CABP1: variants seen among roughly 807,000 people sequenced by gnomAD.
CABP1 encodes the protein calcium binding protein 1, also known as calcium-binding protein 1.
A neutral mutation model predicts 34.3 loss-of-function variants in CABP1; 17 were observed. That is an observed-to-expected ratio of 0.50 (90% CI 0.34 to 0.74). The LOEUF is 0.74. Among genes scored for constraint, CABP1 ranks in the 30% least tolerant of loss-of-function variants. CABP1 has a pLI of 0.01. For synonymous variants in CABP1, 198 were observed against 229.2 expected (o/e 0.86, Z 1.23); for missense variants, 373 against 511.1 (o/e 0.73, Z 2.61).
chr12:120,640,889 G>A lies in CABP1; in HGVS notation c.204G>A (p.Lys68=). The change falls in exon 1 of 6, where the codon AAG becomes AAA. Residue 68 remains lysine, a synonymous_variant. Coordinates refer to ENST00000316803, the MANE Select transcript of CABP1 (RefSeq NM_001033677.2). The surrounding 1 kb of genome is among the most constrained non-coding windows in gnomAD (Gnocchi z 6.2). ...MSSHIAKSES[K]TSLLKAAAAA... is the part of the protein sequence containing the mutation. ...CGCACATCGCCAAAAGCGAGTCCAA[G>A]ACGTCGCTGCTGAAGGCGGCGGCGG... is the stretch of plus-strand genomic sequence containing the variant. The A allele has an allele frequency of 9.2e-7, 1 of 1,092,082 alleles. No individual in the cohort carries two copies. Among genetic ancestry groups the A allele is most frequent in the Non-Finnish European group, 1.1e-6 (1 of 899,780 alleles). 67.6% of individuals were successfully genotyped at this position (1,092,082 alleles called of 1,614,324 possible). A position where few individuals can be genotyped will look rare whatever the true frequency, so the allele number is the denominator to read the frequency against.
intron 1 of CABP1, among the ~76,000 whole-genome samples, chr12:120,646,838 T>C (rs1189183006): frequency 2.0e-5 from 3 of 152,206 alleles, no homozygotes; most frequent in African/African-American, 7.2e-5. Context: ...AATTTCCTAC[T>C]GAAGGCTGAG....
chr12:120,677,221 G>A, the CABP1 span, among the ~76,000 whole-genome samples: 1 of 151,212 alleles, frequency 6.6e-6, no homozygotes, highest in Non-Finnish European at 1.5e-5. Context: ...CCAAGTAGCT[G>A]GGACCACAGG....
At chr12:120,649,263 C>CG (rs904595521) in intron 1 of CABP1, among the ~76,000 whole-genome samples, 3 of 152,194 alleles carry the variant, frequency 2.0e-5, no homozygotes, top group African/African-American at 4.8e-5. Flanking sequence ...GAGCAGCCCC[C>CG]CCACACGGGA....
In CABP1 at chr12:120,641,064, C is replaced by G; in HGVS notation, c.379C>G (p.Arg127Gly). Residue 127 changes from arginine to glycine, a missense_variant, in exon 1 of 6, where the codon CGA (arginine) becomes GGA (glycine). Arg to Gly is a moderately radical substitution (Grantham distance 125). Coordinates refer to ENST00000316803, the MANE Select transcript of CABP1 (RefSeq NM_001033677.2). The surrounding 1 kb of genome is among the most constrained non-coding windows in gnomAD (Gnocchi z 6.7). The stretch of plus-strand genomic sequence containing the variant: ...GAGGCCCCTGTGCCGGCCGGCGCCG[C>G]GAGAGGAGGGCGCGCGGGGGAGCCA... ...SRRPLCRPAP[R>G]EEGARGSQRV... 1 of 1,188,930 alleles carries G rather than the reference C, an allele frequency of 8.4e-7. No homozygotes were observed. Among genetic ancestry groups the G allele is most frequent in the Non-Finnish European group, 1.0e-6 (1 of 960,632 alleles). 73.6% of individuals were successfully genotyped at this position (1,188,930 alleles called of 1,614,324 possible).
the CABP1 span, among the ~76,000 whole-genome samples, chr12:120,677,974 T>C: frequency 6.6e-6 from 1 of 152,090 alleles, no homozygotes; most frequent in South Asian, 2.1e-4. Context: ...CCCGGCCAGG[T>C]TTCTCAGTTC....
chr12:120,671,763 C>A (rs1881257520), downstream of CABP1, among the ~76,000 whole-genome samples: 1 of 152,228 alleles, frequency 6.6e-6, no homozygotes. Context: ...AGCATGAGTT[C>A]TGATCAAAAA....
At chr12:120,651,555 C>A (rs1224491530) in intron 1 of CABP1, among the ~76,000 whole-genome samples, 1 of 152,178 alleles carries the variant, frequency 6.6e-6, no homozygotes, top group Non-Finnish European at 1.5e-5. Flanking sequence ...CGTTGTTTTC[C>A]TCCAATTCTT....
In CABP1 at chr12:120,652,582, G is replaced by A. The variant is rs139125678; in HGVS notation, c.655-7296G>A. On this transcript the variant is annotated intron_variant, in intron 1 of 5. Transcript: ENST00000316803. ...ATTTTATTTTTATTTTTTCCTCTACGAGAGGCTGCCTCTCTCTTTCCCCTG... is the reference window on the plus strand; with the variant it reads ...ATTTTATTTTTATTTTTTCCTCTACAAGAGGCTGCCTCTCTCTTTCCCCTG... Among the ~76,000 whole-genome samples the A allele has an allele frequency of 1.5e-3, 226 of 152,060 alleles. 2 individuals carry two copies. Among genetic ancestry groups the A allele is most frequent in the African/African-American group, 5.3e-3 (219 of 41,482 alleles).
chr12:120,677,387 C>A, the CABP1 span, among the ~76,000 whole-genome samples: 1 of 133,150 alleles, frequency 7.5e-6, no homozygotes, highest in Non-Finnish European at 1.6e-5. Context: ...TATGCCCAGC[C>A]TTCTTTTTTT....
chr12:120,662,921 G>C (rs919687866), intron 5 of CABP1, among the ~76,000 whole-genome samples: 1 of 152,064 alleles, frequency 6.6e-6, no homozygotes, highest in African/African-American at 2.4e-5. Flanking sequence ...CTGAACTCAG[G>C]TGATCCACCC....
At chr12:120,664,472 T>G (rs1880841675) in intron 5 of CABP1, among the ~76,000 whole-genome samples, 1 of 152,180 alleles carries the variant, frequency 6.6e-6, no homozygotes, top group African/African-American at 2.4e-5. Context: ...TATAGCAGCT[T>G]TATTCATAAT....
chr12:120,642,614 G>T (rs888106109), intron 1 of CABP1, among the ~76,000 whole-genome samples: 6 of 152,094 alleles, frequency 3.9e-5, no homozygotes, highest in Non-Finnish European at 8.8e-5. Context: ...AGATGTGGAT[G>T]CAGAGCCGTG....
chr12:120,654,275 C>T (rs902277633), intron 1 of CABP1, among the ~76,000 whole-genome samples: 1 of 152,146 alleles, frequency 6.6e-6, no homozygotes, highest in African/African-American at 2.4e-5. Flanking sequence ...TTTGAGGAAC[C>T]GGAATACTGC....
Position 120,661,042 on chromosome 12 carries a change from G to A in CABP1, c.940-29G>A, listed in dbSNP as rs201080747. The A allele has an allele frequency of 2.2e-4, 359 of 1,605,114 alleles. No homozygotes were observed. The highest frequency in any genetic ancestry group is 7.5e-4 in the African/African-American group (56 of 74,596). ...CTGCTGCCAATCGCCATGCTGGGGC[G>A]ACCTCTCCTTCCTTCCTGCCTTCTC... On this transcript the variant is annotated intron_variant, in intron 4 of 5. Coordinates refer to ENST00000316803, the MANE Select transcript of CABP1 (RefSeq NM_001033677.2). The surrounding 1 kb of genome is among the most constrained non-coding windows in gnomAD (Gnocchi z 5.1).
At chr12:120,663,536 A>C (rs1880787208) in intron 5 of CABP1, among the ~76,000 whole-genome samples, 1 of 152,176 alleles carries the variant, frequency 6.6e-6, no homozygotes, top group African/African-American at 2.4e-5. Context: ...TTAGCCTCCC[A>C]AAGTGCTGGG....
At chr12:120,677,254 A>G in the CABP1 span, among the ~76,000 whole-genome samples, 1 of 149,344 alleles carries the variant, frequency 6.7e-6, no homozygotes, top group Admixed American at 6.7e-5. Flanking sequence ...TGCCTGGCTA[A>G]TTTTCGTATT....
At chr12:120,673,476 T>C in the CABP1 span, among the ~76,000 whole-genome samples, 4 of 151,644 alleles carry the variant, frequency 2.6e-5, no homozygotes, top group African/African-American at 9.7e-5. Flanking sequence ...CCTAGCTACG[T>C]GGGAGGCTGA....
chr12:120,646,175 C>G (rs1400021211), intron 1 of CABP1, among the ~76,000 whole-genome samples: 1 of 152,152 alleles, frequency 6.6e-6, no homozygotes, highest in Non-Finnish European at 1.5e-5. Context: ...AAGTGTGTTC[C>G]CTGTTCGTCA....
At chr12:120,675,041 GT>G in the CABP1 span, among the ~76,000 whole-genome samples, 1 of 150,712 alleles carries the variant, frequency 6.6e-6, no homozygotes, top group Non-Finnish European at 1.5e-5. Flanking sequence ...TTTATTTTTA[GT>G]TTTTTTAAAC....
Sources: gnomAD v4.1 joint callset for allele counts (sites outside exome capture counted in the v4.1 genomes callset) on GRCh38, gnomAD v4.1.1 for gene constraint, Gnocchi (gnomAD v3.1) non-coding constraint, MANE v1.5 for transcripts, NCBI Gene and HGNC (gene_info 2026-07-23, HGNC 2026-07-21) for gene names.